Variants in ARRDC2 observed in about 807,000 individuals in gnomAD.
The protein encoded by ARRDC2 is arrestin domain-containing protein 2.
ARRDC2 carries 39 observed loss-of-function variants against 38.9 expected under a neutral mutation model. That is an observed-to-expected ratio of 1.00 (90% confidence interval 0.78 to 1.31). The LOEUF is 1.31. Among genes scored for constraint, ARRDC2 ranks in the 50% most tolerant of loss-of-function variants. The pLI is 0.00. For missense variants in ARRDC2, 553 were observed against 588.4 expected, an observed-to-expected ratio of 0.94 and a Z score of 0.62; for synonymous variants, 300 against 261.9, an observed-to-expected ratio of 1.15 and a Z score of -1.41.
At chr19:18,005,079 A>T (rs2033246188), upstream of ARRDC2, among the ~76,000 whole-genome samples, 1 of 151,992 alleles carries the variant, frequency 6.6e-6, no homozygotes, top group South Asian at 2.1e-4. Context: ...GCAGGGTCAT[A>T]GGACAATAGT....
At chr19:18,008,680 C>T in intron 1 of ARRDC2, 31 bp from the exon 2 acceptor site, 2 of 1,611,298 alleles carry the variant, frequency 1.2e-6, no homozygotes, top group Non-Finnish European at 1.7e-6. Flanking sequence ...AGCGCAACCG[C>T]TCAGTCGCCT....
At chr19:18,002,742 C>T (rs550016205) in intron 1 of ARRDC2, among the ~76,000 whole-genome samples, 22 of 152,276 alleles carry the variant, frequency 1.4e-4, no homozygotes, top group African/African-American at 4.6e-4. Flanking sequence ...CCCGGCGACT[C>T]GGAGAACTCT....
Position 18,013,204 on chromosome 19 carries a change from A to T in ARRDC2, c.*238A>T. On this transcript the variant is annotated 3_prime_UTR_variant, in exon 8 of 8. Coordinates refer to ENST00000222250, the MANE Select transcript of ARRDC2 (RefSeq NM_015683.2). ...CATTGAATGCCCAGTGCAGTATCCG[A>T]GAGACTGTTTAATAACCTGTCTTCC... The T allele has an allele frequency of 1.9e-6, 1 of 527,496 alleles. No homozygotes were observed. The highest frequency in any genetic ancestry group is 3.3e-5 in the East Asian group (1 of 30,274). The allele number at this position is 527,496 out of a possible 1,614,324, so 32.7% of individuals were successfully genotyped here.
chr19:18,009,445 T>A (rs950000782), intron 3 of ARRDC2, 147 bp from the exon 4 acceptor site: 1 of 725,494 alleles, frequency 1.4e-6, no homozygotes, highest in East Asian at 2.6e-5. Context: ...TGTTCCTGGC[T>A]CTATTTAACG....
chr19:18,009,117 T>G lies in ARRDC2; in HGVS notation c.488T>G (p.Leu163Arg). ...EPVDINTPAL[L>R]APQAGAREKV... Reference sequence around the variant, plus strand: ...GTGGACATCAACACGCCAGCCCTGCTGGTGAGTGGCCACCCTTGGGGAGGT... The same window carrying G: ...GTGGACATCAACACGCCAGCCCTGCGGGTGAGTGGCCACCCTTGGGGAGGT... The change falls in exon 3 of 8, where the codon CTG becomes CGG. Residue 163 changes from leucine (L) to arginine (R), a missense_variant and splice_region_variant. Leu to Arg is a moderately radical substitution (Grantham distance 102). Around this residue, in one of 3 missense-constraint regions of ARRDC2, gnomAD observed 447 missense variants for 456.6 expected, o/e 0.98. Coordinates refer to ENST00000222250, the MANE Select transcript of ARRDC2 (RefSeq NM_015683.2). 1 of 1,613,434 alleles carries G rather than the reference T, an allele frequency of 6.2e-7. No individual in the cohort carries two copies. The highest frequency in any genetic ancestry group is 8.5e-7 in the Non-Finnish European group (1 of 1,179,902).
Position 18,012,805 on chromosome 19 carries a change from C to T in ARRDC2, c.1171-108C>T. The T allele has an allele frequency of 4.2e-6, 5 of 1,192,130 alleles. No individual in the cohort carries two copies. The Admixed American group carries it at 5.7e-5, about 14-fold the overall frequency. The allele number at this position is 1,192,130 out of a possible 1,614,324, so 73.8% of individuals were successfully genotyped here. On this transcript the variant is annotated intron_variant, in intron 7 of 7. Coordinates refer to ENST00000222250, the MANE Select transcript of ARRDC2 (RefSeq NM_015683.2). ...GCCCTAGACACCACCTCCTGATGGC[C>T]TCATCCCTGGTCAAGGGCGGGAGTT... is the stretch of plus-strand genomic sequence containing the variant.
upstream of ARRDC2, among the ~76,000 whole-genome samples, chr19:18,003,301 C>CT (rs1392573331): frequency 6.6e-6 from 1 of 152,080 alleles, no homozygotes; most frequent in Admixed American, 6.6e-5. Context: ...GGGTCTTACT[C>CT]TGTTACTCAG....
Position 18,001,629 on chromosome 19 carries a change from C to G in ARRDC2, c.259+56C>G, listed in dbSNP as rs2033189109. 3 of 1,283,554 alleles carry G rather than the reference C, an allele frequency of 2.3e-6. No individual in the cohort carries two copies. The South Asian group carries it at 6.7e-5, about 29-fold the overall frequency. The allele number at this position is 1,283,554 out of a possible 1,614,324, so 79.5% of individuals were successfully genotyped here. On this transcript the variant is annotated intron_variant, in intron 1 of 7. Coordinates refer to the ARRDC2 transcript ENST00000379656. ...AGCCGGGACCCCCTCGGCCGCGACC[C>G]TCTTCAGGGCCGGAAGCCTCTCAAC... is the stretch of plus-strand genomic sequence containing the variant.
rs779566593 is a variant in ARRDC2, at chr19:18,009,089, C to G, written c.460C>G (p.Pro154Ala). Residue 154 changes from proline (P) to alanine (A), a missense_variant, in exon 3 of 8, where the codon CCT (proline) becomes GCT (alanine). Coordinates refer to ENST00000222250, the MANE Select transcript of ARRDC2 (RefSeq NM_015683.2). The part of the protein sequence containing the change: ...RARKVFTVIE[P>A]VDINTPALLA... ...AAGGAAGGTGTTCACTGTCATCGAG[C>G]CTGTGGACATCAACACGCCAGCCCT... The G allele has an allele frequency of 1.9e-6, 3 of 1,613,664 alleles. No homozygotes were observed. The highest frequency in any genetic ancestry group is 2.2e-5 in the South Asian group (2 of 91,082).
intron 1 of ARRDC2, among the ~76,000 whole-genome samples, chr19:18,002,694 G>A (rs1194040187): frequency 6.6e-6 from 1 of 152,204 alleles, no homozygotes; most frequent in East Asian, 1.9e-4. Context: ...AAGTGCGGTG[G>A]GGCAGGGCAG....
intron 7 of ARRDC2, among the ~76,000 whole-genome samples, chr19:18,012,610 A>C (rs898364485): frequency 2.6e-5 from 4 of 152,182 alleles, no homozygotes; most frequent in Non-Finnish European, 5.9e-5. Flanking sequence ...AAATAAAAAT[A>C]AAGTACACAG....
At chr19:18,008,862 T>C in intron 2 of ARRDC2, 85 bp downstream of exon 2, 14 of 1,593,442 alleles carry the variant, frequency 8.8e-6, no homozygotes, top group Non-Finnish European at 1.2e-5. Flanking sequence ...TGGGCACCTC[T>C]GAGCCCCAAG....
At chr19:18,008,123 C>T, upstream of ARRDC2, 2 of 691,106 alleles carry the variant, frequency 2.9e-6, no homozygotes, top group East Asian at 5.9e-5. Flanking sequence ...GTGACCCCAC[C>T]CCCCCCCGCC....
chr19:18,008,116 A>ACGCCCCCCCCC, upstream of ARRDC2: 1 of 522,498 alleles, frequency 1.9e-6, no homozygotes, highest in Non-Finnish European at 2.9e-6. Flanking sequence ...AGAGACGGTG[A>ACGCCCCCCCCC]CCCCACCCCC....
At chr19:18,008,116 A>ACCGCCC, upstream of ARRDC2, 3 of 522,498 alleles carry the variant, frequency 5.7e-6, no homozygotes, top group Non-Finnish European at 5.8e-6. Flanking sequence ...AGAGACGGTG[A>ACCGCCC]CCCCACCCCC....
Position 18,008,522 on chromosome 19 carries a change from A to T in ARRDC2, c.212A>T (p.Tyr71Phe). ...CGCAGCGCGGGCTCGAGCACGGCTT[A>T]CACGCAGAGCTACAGTGAACGCGTG... is the stretch of plus-strand genomic sequence containing the variant. ...ESRSAGSSTA[Y>F]TQSYSERVEV... Residue 71 changes from tyrosine to phenylalanine, a missense_variant, in exon 1 of 8, where the codon TAC becomes TTC. Physicochemically the swap from Tyr to Phe is conservative, Grantham distance 22. Coordinates refer to ENST00000222250, the MANE Select transcript of ARRDC2 (RefSeq NM_015683.2). 6.5e-7 allele frequency: 1 copy of T among 1,543,880 alleles called. No homozygotes were observed. The highest frequency in any genetic ancestry group is 2.0e-5 in the Admixed American group (1 of 49,898).
At chr19:18,002,895 G>A (rs2033206090) in intron 1 of ARRDC2, among the ~76,000 whole-genome samples, 1 of 152,180 alleles carries the variant, frequency 6.6e-6, no homozygotes, top group African/African-American at 2.4e-5. Context: ...CTGAGGTCAG[G>A]AGTTCGAGAC....
At chr19:18,009,335 C>G (rs2033354496) in intron 3 of ARRDC2, 5 of 653,954 alleles carry the variant, frequency 7.6e-6, no homozygotes, top group Admixed American at 2.9e-5. Flanking sequence ...CCTCAGATGC[C>G]TCTTCTGTGA....
At position 18,008,717 on chromosome 19, in the gene ARRDC2, G is replaced by C. The variant is rs144090715; in HGVS notation, c.281G>C (p.Gly94Ala). Reference protein sequence around the residue: ...HRATLLAPDTGETTTLPPGRH... With the variant: ...HRATLLAPDTAETTTLPPGRH... Reference sequence around the variant, plus strand: ...CTTTTTCTCCTACCTGCAGATACCGGGGAGACCACGACGCTGCCTCCTGGG... The same window carrying C: ...CTTTTTCTCCTACCTGCAGATACCGCGGAGACCACGACGCTGCCTCCTGGG... Residue 94 changes from glycine (G) to alanine (A), a missense_variant, in exon 2 of 8, where the codon GGG becomes GCG. Physicochemically the swap from Gly to Ala is moderately conservative, Grantham distance 60. Coordinates refer to ENST00000222250, the MANE Select transcript of ARRDC2 (RefSeq NM_015683.2). 4 of 1,613,266 alleles carry C rather than the reference G, an allele frequency of 2.5e-6. No homozygotes were observed. The highest frequency in any genetic ancestry group is 3.4e-6 in the Non-Finnish European group (4 of 1,179,968).
Sources: gnomAD v4.1 joint callset for allele counts (sites outside exome capture counted in the v4.1 genomes callset) on GRCh38, gnomAD v4.1.1 for gene constraint, gnomAD v4.1.1 regional missense constraint, MANE v1.5 for transcripts, NCBI Gene and HGNC (gene_info 2026-07-23, HGNC 2026-07-21) for gene names.